Variants in TSHZ2 observed in about 807,000 individuals in gnomAD.
TSHZ2 encodes teashirt homolog 2.
In TSHZ2, 21 loss-of-function variants were observed where a neutral mutation model predicts 74.4. That is an observed-to-expected ratio of 0.28 (90% CI 0.20 to 0.41). The LOEUF is 0.41. Among genes scored for constraint, TSHZ2 ranks in the 10% least tolerant of loss-of-function variants. The pLI is 1.00. For synonymous variants in TSHZ2, 540 were observed against 515.3 expected, an observed-to-expected ratio of 1.05 and a Z score of -0.65; for missense variants, 1,244 against 1,293.5, an observed-to-expected ratio of 0.96 and a Z score of 0.59.
intron 2 of TSHZ2, among the ~76,000 whole-genome samples, chr20:53,350,207 G>A (rs187136731): frequency 3.2e-4 from 48 of 152,308 alleles, no homozygotes; most frequent in Non-Finnish European, 4.3e-4. Flanking sequence ...CTAGGGACTC[G>A]AATGTAGACA....
At chr20:53,393,523 GTGTT>G (rs1468137974) in intron 2 of TSHZ2, among the ~76,000 whole-genome samples, 2 of 152,212 alleles carry the variant, frequency 1.3e-5, no homozygotes, top group Non-Finnish European at 2.9e-5. Flanking sequence ...AGCCAGCAGA[GTGTT>G]TGTAACATAG....
In TSHZ2 at chr20:53,018,767, A is replaced by G. The variant is rs773377059; in HGVS notation, c.40+45434A>G. Among the ~76,000 whole-genome samples, 22 of 152,208 alleles carry G rather than the reference A, an allele frequency of 1.4e-4. 1 individual carries two copies. The highest frequency in any genetic ancestry group is 1.0e-4 in the Non-Finnish European group (7 of 68,028). ...CATTTTGCATACCATAAAGATCATG[A>G]GAAAGCTTAATTCAGGACACAACTC... On this transcript the variant is annotated intron_variant, in intron 1 of 2. Coordinates refer to ENST00000371497, the MANE Select transcript of TSHZ2 (RefSeq NM_173485.6).
chr20:53,301,031 C>T (rs560160429), intron 2 of TSHZ2, among the ~76,000 whole-genome samples: 14 of 152,154 alleles, frequency 9.2e-5, no homozygotes, highest in East Asian at 1.9e-4. Flanking sequence ...GGCAAGATCT[C>T]GGCTCACTGC....
chr20:53,442,369 A>G (rs1006113114), intron 2 of TSHZ2, among the ~76,000 whole-genome samples: 2 of 152,020 alleles, frequency 1.3e-5, no homozygotes, highest in South Asian at 2.1e-4. Context: ...TCCTCTTCCC[A>G]TATTCATTTT....
At position 53,255,742 on chromosome 20, in the gene TSHZ2, G is replaced by A. The variant is rs772650306; in HGVS notation, c.2284G>A (p.Asp762Asn). Reference sequence around the variant, plus strand: ...CAGGCGCTACCTGTTTGAGAACAGCGATCAGCCCATTGACCTGACCAAGTC... The same window carrying A: ...CAGGCGCTACCTGTTTGAGAACAGCAATCAGCCCATTGACCTGACCAAGTC... Reference protein sequence around the residue: ...VSRRYLFENSDQPIDLTKSKS... With the variant: ...VSRRYLFENSNQPIDLTKSKS... Residue 762 changes from aspartate (D) to asparagine (N), a missense_variant, in exon 2 of 3, where the codon GAT (aspartate) becomes AAT (asparagine). Physicochemically the swap from Asp to Asn is conservative, Grantham distance 23. This residue lies in a region of TSHZ2 where 562 missense variants were observed against 544.0 expected (regional missense o/e 1.03). Coordinates refer to ENST00000371497, the MANE Select transcript of TSHZ2 (RefSeq NM_173485.6). The surrounding 1 kb of genome is among the most constrained non-coding windows in gnomAD (Gnocchi z 4.1). 8.1e-6 allele frequency: 13 copies of A among 1,613,568 alleles called. No individual in the cohort carries two copies. Among genetic ancestry groups the A allele is most frequent in the East Asian group, 2.2e-5 (1 of 44,872 alleles).
chr20:53,148,377 G>T (rs1340696554), intron 1 of TSHZ2, among the ~76,000 whole-genome samples: 1 of 152,178 alleles, frequency 6.6e-6, no homozygotes, highest in Non-Finnish European at 1.5e-5. Context: ...GCTTCCCACA[G>T]TGCACAGGAC....
intron 2 of TSHZ2, among the ~76,000 whole-genome samples, chr20:53,275,234 A>C (rs1990918985): frequency 6.6e-6 from 1 of 152,100 alleles, no homozygotes; most frequent in South Asian, 2.1e-4. Context: ...TCATTCCTTG[A>C]GCTCACCTTA....
intron 2 of TSHZ2, among the ~76,000 whole-genome samples, chr20:53,402,327 T>C (rs1350872418): frequency 6.6e-6 from 1 of 152,318 alleles, no homozygotes; most frequent in East Asian, 1.9e-4. Context: ...GCATAAGTCT[T>C]TTCTATGTTT....
At chr20:53,138,547 C>CT (rs772862841) in intron 1 of TSHZ2, among the ~76,000 whole-genome samples, 1 of 152,122 alleles carries the variant, frequency 6.6e-6, no homozygotes, top group Non-Finnish European at 1.5e-5. Context: ...TTTCAGCACA[C>CT]TAAGTCCTTT....
chr20:53,027,531 T>C (rs1399196259), intron 1 of TSHZ2, among the ~76,000 whole-genome samples: 2 of 151,998 alleles, frequency 1.3e-5, no homozygotes, highest in Non-Finnish European at 2.9e-5. Context: ...ATTTACCACA[T>C]AGGAGGAGTG....
chr20:53,207,688 T>G (rs1052525478), intron 1 of TSHZ2, among the ~76,000 whole-genome samples: 8 of 151,974 alleles, frequency 5.3e-5, no homozygotes, highest in Admixed American at 3.9e-4. Context: ...TTTTTTTATT[T>G]ATTTTAGAGA....
At chr20:53,237,987 A>T (rs1989978989) in intron 1 of TSHZ2, among the ~76,000 whole-genome samples, 1 of 152,196 alleles carries the variant, frequency 6.6e-6, no homozygotes, top group East Asian at 1.9e-4. Context: ...GAAAAAATAT[A>T]CATCTGGATA....
intron 1 of TSHZ2, among the ~76,000 whole-genome samples, chr20:53,003,912 A>C (rs564405659): frequency 5.5e-5 from 7 of 126,304 alleles, no homozygotes; most frequent in Admixed American, 1.6e-4. Flanking sequence ...TTTTTTAATT[A>C]TTTCTTTCCG....
rs11471151 is a variant in TSHZ2 at position 53,069,662 on chromosome 20, T to TACACACACACAC, written c.40+96366_40+96377dup. ...GCCTAGCAAAAGGTCAATGCTTTGATACACACACACACACACACACACACA... is the reference window on the plus strand; with the variant it reads ...GCCTAGCAAAAGGTCAATGCTTTGATACACACACACACACACACACACACACACACACACACA... On this transcript the variant is annotated intron_variant, in intron 1 of 2. Transcript: ENST00000371497. Among the ~76,000 whole-genome samples, 3 of 138,996 alleles carry TACACACACACAC rather than the reference T, an allele frequency of 2.2e-5. No individual in the cohort carries two copies. In the East Asian group the frequency reaches 6.6e-4, roughly 31 times the overall value. 91.2% of individuals were successfully genotyped at this position (138,996 alleles called of 152,430 possible). A position where few individuals can be genotyped will look rare whatever the true frequency, so the allele number is the denominator to read the frequency against.
At chr20:53,415,777 AATGT>A (rs1426407756) in intron 2 of TSHZ2, among the ~76,000 whole-genome samples, 22 of 46,514 alleles carry the variant, frequency 4.7e-4, no homozygotes, top group African/African-American at 1.9e-3. Flanking sequence ...GTGTACTATA[AATGT>A]ATGTGTGTGT....
intron 1 of TSHZ2, among the ~76,000 whole-genome samples, chr20:53,034,072 A>G (rs1394580943): frequency 6.6e-6 from 1 of 152,220 alleles, no homozygotes. Flanking sequence ...TACTTCTCGA[A>G]TGAATCAATG....
intron 1 of TSHZ2, among the ~76,000 whole-genome samples, chr20:53,123,138 A>G (rs1278867768): frequency 6.6e-6 from 1 of 152,186 alleles, no homozygotes; most frequent in African/African-American, 2.4e-5. Flanking sequence ...TCTGTGCTGG[A>G]TCTCAGTAGG....
chr20:53,397,430 C>T (rs1189283943), intron 2 of TSHZ2, among the ~76,000 whole-genome samples: 2 of 152,184 alleles, frequency 1.3e-5, no homozygotes, highest in African/African-American at 4.8e-5. Context: ...AATGAGATAC[C>T]ATCTCACACC....
At chr20:52,993,147 G>T (rs1255688292) in intron 1 of TSHZ2, among the ~76,000 whole-genome samples, 1 of 152,054 alleles carries the variant, frequency 6.6e-6, no homozygotes, top group African/African-American at 2.4e-5. Flanking sequence ...TTCTCATTTG[G>T]GAATGGGCTA....
Sources: gnomAD v4.1 joint callset for allele counts (sites outside exome capture counted in the v4.1 genomes callset) on GRCh38, gnomAD v4.1.1 for gene constraint, gnomAD v4.1.1 regional missense constraint, Gnocchi (gnomAD v3.1) non-coding constraint, MANE v1.5 for transcripts, NCBI Gene and HGNC (gene_info 2026-07-23, HGNC 2026-07-21) for gene names.